The following ARNT2 variants were observed in gnomAD, a reference collection of about 807,000 sequenced individuals.
ARNT2 encodes ARNT protein 2.
A neutral mutation model predicts 91.7 loss-of-function variants in ARNT2; 36 were observed. The ratio of observed to expected loss-of-function variants is 0.39; its 90% CI spans 0.30 to 0.52. ARNT2 has a LOEUF of 0.52. Among genes scored for constraint, ARNT2 ranks in the 20% least tolerant of loss-of-function variants. ARNT2 has a pLI of 0.72. For missense variants in ARNT2, 775 were observed against 939.3 expected (o/e 0.83, Z 2.29); for synonymous variants, 365 against 347.1 (o/e 1.05, Z -0.57).
At position 80,563,067 on chromosome 15, in the gene ARNT2, C is replaced by T. The variant is rs750731438; in HGVS notation, c.1165-21C>T. ...CACCATCCTTCCTCCTGCTGACTTC[C>T]TTCTCCAAATGTTTTCTCAGGTGGT... On this transcript the variant is annotated intron_variant, in intron 11 of 18. Transcript: ENST00000303329. 4.3e-6 allele frequency: 7 copies of T among 1,613,930 alleles called. 1 individual carries two copies. Among genetic ancestry groups the T allele is most frequent in the Non-Finnish European group, 5.9e-6 (7 of 1,179,938 alleles).
chr15:80,431,019 T>C (rs1912), intron 1 of ARNT2, among the ~76,000 whole-genome samples: 120,518 of 151,920 alleles, frequency 0.79, 47,860 homozygotes, highest in East Asian at 0.88. Flanking sequence ...TCAGTCTGCC[T>C]ATCTTCATTT....
At position 80,463,471 on chromosome 15, in the gene ARNT2, T is replaced by TGGGTTAGGGTTAGGGTTA. The variant is rs573736518; in HGVS notation, c.194+5509_194+5526dup. On this transcript the variant is annotated intron_variant, in intron 3 of 18. Transcript: ENST00000303329. ...TTATGAGCAACTAAAGTTGCTTCAG[T>TGGGTTAGGGTTAGGGTTA]GGGTTAGGGTTAGGGTTAGGGTTAG... Among the ~76,000 whole-genome samples the TGGGTTAGGGTTAGGGTTA allele has an allele frequency of 2.0e-5, 3 of 151,962 alleles. No homozygotes were observed. In the South Asian group the frequency reaches 6.2e-4, roughly 32 times the overall value.
intron 5 of ARNT2, among the ~76,000 whole-genome samples, chr15:80,506,313 T>C (rs948595273): frequency 7.2e-5 from 11 of 152,256 alleles, no homozygotes; most frequent in African/African-American, 2.7e-4. Context: ...CACTGCACTG[T>C]GGTCTTGCAT....
At chr15:80,559,789 G>A (rs374482335) in intron 11 of ARNT2, among the ~76,000 whole-genome samples, 1 of 152,318 alleles carries the variant, frequency 6.6e-6, no homozygotes, top group East Asian at 1.9e-4. Flanking sequence ...CCATGATGAT[G>A]AGGATGTTGA....
At position 80,536,336 on chromosome 15, in the gene ARNT2, C is replaced by T. The variant is rs117740264; in HGVS notation, c.878-14863C>T. On this transcript the variant is annotated intron_variant, in intron 8 of 18. Coordinates refer to ENST00000303329, the MANE Select transcript of ARNT2 (RefSeq NM_014862.4). ...TGAAGATTGGTTGGACCAGGTGTGA[C>T]GTTTACATAGCTTGCCAGGAATCTG... Among the ~76,000 whole-genome samples the T allele has an allele frequency of 1.4e-3, 217 of 152,308 alleles. 5 individuals are homozygous for T. In the East Asian group the frequency reaches 0.037, roughly 26 times the overall value.
At position 80,597,517 on chromosome 15, in the gene ARNT2, G is replaced by A; in HGVS notation, c.*3819G>A. On this transcript the variant is annotated 3_prime_UTR_variant, in exon 19 of 19. Coordinates refer to ENST00000303329, the MANE Select transcript of ARNT2 (RefSeq NM_014862.4). ...CTGGAGTCTGGGGCAACTTAAGGAGGCACCACACAGTGGTGCAGGCACATT... is the reference window on the plus strand; with the variant it reads ...CTGGAGTCTGGGGCAACTTAAGGAGACACCACACAGTGGTGCAGGCACATT... The A allele has an allele frequency of 9.7e-6, 3 of 310,610 alleles. No homozygotes were observed. In the East Asian group the frequency reaches 2.5e-4, roughly 26 times the overall value. 19.2% of individuals were successfully genotyped at this position (310,610 alleles called of 1,614,324 possible).
chr15:80,525,156 G>A (rs1413187237), intron 8 of ARNT2, among the ~76,000 whole-genome samples: 2 of 152,130 alleles, frequency 1.3e-5, no homozygotes, highest in Non-Finnish European at 2.9e-5. Context: ...ATTTTCTAAA[G>A]AGGCATTCCA....
chr15:80,563,117 G>A lies in ARNT2; in HGVS notation c.1194G>A (p.Ser398=), dbSNP rs773964764. The change falls in exon 12 of 19, where the codon TCG becomes TCA. Residue 398 remains serine, a synonymous_variant. Coordinates refer to ENST00000303329, the MANE Select transcript of ARNT2 (RefSeq NM_014862.4). The part of the protein sequence containing the change: ...QVVKLKGQVL[S]VMYRFRTKNR... ...TTAAGCTGAAAGGCCAAGTCCTGTC[G>A]GTCATGTATCGATTTCGCACCAAGA... is the stretch of plus-strand genomic sequence containing the variant. 10 of 1,613,994 alleles carry A rather than the reference G, an allele frequency of 6.2e-6. No homozygotes were observed. The highest frequency in any genetic ancestry group is 1.6e-4 in the Middle Eastern group (1 of 6,084).
chr15:80,570,611 G>C (rs1394408838), intron 12 of ARNT2, among the ~76,000 whole-genome samples: 6 of 152,190 alleles, frequency 3.9e-5, no homozygotes, highest in Non-Finnish European at 7.3e-5. Flanking sequence ...GGCTGAGACT[G>C]CCTGGTGGGA....
intron 12 of ARNT2, among the ~76,000 whole-genome samples, chr15:80,564,905 A>G (rs1260957507): frequency 7.0e-6 from 1 of 143,140 alleles, no homozygotes; most frequent in Non-Finnish European, 1.5e-5. Flanking sequence ...TTTATGTACC[A>G]CATTTTCTTC....
At position 80,419,260 on chromosome 15, in the gene ARNT2, A is replaced by G. The variant is rs150113589; in HGVS notation, c.31+14714A>G. On this transcript the variant is annotated intron_variant, in intron 1 of 18. Transcript: ENST00000303329. ...GAGATCGGCATTTCTAACAAGTTCC[A>G]GTGATGCTGGTACTGCTGGCCCAGA... 6.6e-5 allele frequency among the ~76,000 whole-genome samples: 10 copies of G among 152,310 alleles called. No homozygotes were observed. The East Asian group carries it at 1.7e-3, about 26-fold the overall frequency.
chr15:80,535,674 C>T (rs796772802), intron 8 of ARNT2, among the ~76,000 whole-genome samples: 6 of 151,416 alleles, frequency 4.0e-5, no homozygotes, highest in African/African-American at 1.2e-4. Context: ...CAAAGATTTC[C>T]GTTCAACCTG....
intron 1 of ARNT2, among the ~76,000 whole-genome samples, chr15:80,417,006 G>GT (rs890370158): frequency 9.9e-5 from 15 of 151,792 alleles, no homozygotes; most frequent in African/African-American, 2.2e-4. Flanking sequence ...GGTCCCAGGG[G>GT]TTTTTTAAAA....
intron 17 of ARNT2, among the ~76,000 whole-genome samples, chr15:80,586,840 CAAAA>C (rs10679933): frequency 1.8e-5 from 2 of 113,066 alleles, no homozygotes; most frequent in African/African-American, 5.7e-5. Context: ...GACTCCATTT[CAAAA>C]AAAAAAAAAA....
chr15:80,569,106 A>G (rs1433318052), intron 12 of ARNT2, among the ~76,000 whole-genome samples: 1 of 152,154 alleles, frequency 6.6e-6, no homozygotes, highest in Non-Finnish European at 1.5e-5. Context: ...GACGCCTCCC[A>G]GTGTGCTTCC....
rs556102995 is a variant in ARNT2 at position 80,559,513 on chromosome 15, G to A, written c.1165-3575G>A. On this transcript the variant is annotated intron_variant, in intron 11 of 18. Coordinates refer to ENST00000303329, the MANE Select transcript of ARNT2 (RefSeq NM_014862.4). ...GGCTTCTTCTTGCAGAAGCAGGGAG[G>A]TGGCTACGTCAGCTAAGAGCCAGCT... Among the ~76,000 whole-genome samples the A allele has an allele frequency of 7.2e-4, 109 of 152,338 alleles. 1 individual carries two copies. The highest frequency in any genetic ancestry group is 2.6e-3 in the African/African-American group (107 of 41,582).
In ARNT2 at chr15:80,593,741, C is replaced by A; in HGVS notation, c.*43C>A. The A allele has an allele frequency of 6.5e-7, 1 of 1,533,016 alleles. No individual in the cohort carries two copies. The highest frequency in any genetic ancestry group is 8.9e-7 in the Non-Finnish European group (1 of 1,123,956). The allele number at this position is 1,533,016 out of a possible 1,614,324, so 95.0% of individuals were successfully genotyped here. A position where few individuals can be genotyped will look rare whatever the true frequency, so the allele number is the denominator to read the frequency against. On this transcript the variant is annotated 3_prime_UTR_variant, in exon 19 of 19. Transcript: ENST00000303329. The stretch of plus-strand genomic sequence containing the variant: ...CTCCTGCTGTACAGTGCCACCCATA[C>A]TGTGATGTCGATGCCCATGTGAATG...
chr15:80,524,643 G>A (rs889519585), intron 8 of ARNT2, among the ~76,000 whole-genome samples: 5 of 152,258 alleles, frequency 3.3e-5, no homozygotes, highest in East Asian at 3.9e-4. Flanking sequence ...TTGGGAGGCC[G>A]AGGCGGGCGA....
At chr15:80,490,095 C>T (rs1016487395) in intron 5 of ARNT2, among the ~76,000 whole-genome samples, 9 of 152,136 alleles carry the variant, frequency 5.9e-5, no homozygotes, top group African/African-American at 2.2e-4. Context: ...CTTTTGTAAG[C>T]ACTCCCAGGA....
Sources: allele counts gnomAD v4.1 joint callset (sites outside exome capture counted in the v4.1 genomes callset), GRCh38; gene constraint gnomAD v4.1.1; transcripts MANE v1.5; gene names NCBI Gene and HGNC (gene_info 2026-07-23, HGNC 2026-07-21).